The following TCF20 variants were observed in gnomAD, a reference collection of about 807,000 sequenced individuals.
TCF20 encodes SPRE-binding protein.
Under a neutral mutation model 148.6 loss-of-function variants are expected in TCF20, and 3 were observed. The observed-to-expected ratio is 0.02, with a 90% CI of 0.01 to 0.05. The LOEUF (loss-of-function observed/expected upper bound fraction) is 0.05, where lower values mean the gene tolerates loss of function less well. TCF20 is among the 10% of genes least tolerant of loss of function. TCF20 has a pLI of 1.00. For missense variants in TCF20, 2,350 were observed against 2,429.3 expected, an observed-to-expected ratio of 0.97 and a Z score of 0.69; for synonymous variants, 1,049 against 909.5, an observed-to-expected ratio of 1.15 and a Z score of -2.76.
At chr22:42,175,488 G>A (rs369154086) in intron 3 of TCF20, among the ~76,000 whole-genome samples, 19 of 152,166 alleles carry the variant, frequency 1.2e-4, no homozygotes, top group South Asian at 1.0e-3. Context: ...CTACAGGCAC[G>A]CGCCACCACA....
At chr22:42,198,136 C>A (rs1056784165) in intron 2 of TCF20, among the ~76,000 whole-genome samples, 1 of 152,118 alleles carries the variant, frequency 6.6e-6, no homozygotes, top group African/African-American at 2.4e-5. Context: ...ATTATACTCA[C>A]GCTAAACTAA....
intron 1 of TCF20, among the ~76,000 whole-genome samples, chr22:42,260,418 G>A (rs1464983053): frequency 6.6e-6 from 1 of 152,150 alleles, no homozygotes; most frequent in African/African-American, 2.4e-5. Flanking sequence ...TAGCTGATAA[G>A]TGGAAAAAAT....
chr22:42,286,078 C>A (rs1397017248), upstream of TCF20, among the ~76,000 whole-genome samples: 1 of 152,200 alleles, frequency 6.6e-6, no homozygotes, highest in African/African-American at 2.4e-5. Context: ...AGACAAGCCA[C>A]TGACCCCTCT....
chr22:42,333,029 G>C (rs972496062), intron 1 of TCF20, among the ~76,000 whole-genome samples: 6 of 152,232 alleles, frequency 3.9e-5, no homozygotes, highest in African/African-American at 1.4e-4. Context: ...CACTTAAGAA[G>C]TGTGCACTTT....
At position 42,337,625 on chromosome 22, in the gene TCF20, G is replaced by A. The variant is rs114251736; in HGVS notation, c.-37+5854C>T. 4.9e-3 allele frequency among the ~76,000 whole-genome samples: 740 copies of A among 152,310 alleles called. 8 individuals are homozygous for A. The highest frequency in any genetic ancestry group is 0.024 in the Middle Eastern group (7 of 292). On this transcript the variant is annotated intron_variant, in intron 1 of 1. Coordinates refer to the TCF20 transcript ENST00000515426. Reference sequence around the variant, plus strand: ...TAAAATCCTGCCTGATCCTTCTCCTGCATCAGTCAGGACATTACTGGTTGC... The same window carrying A: ...TAAAATCCTGCCTGATCCTTCTCCTACATCAGTCAGGACATTACTGGTTGC...
At chr22:42,262,286 G>C (rs1451409167) in intron 1 of TCF20, among the ~76,000 whole-genome samples, 1 of 152,214 alleles carries the variant, frequency 6.6e-6, no homozygotes, top group Non-Finnish European at 1.5e-5. Flanking sequence ...AAGAGGTAAA[G>C]AGGGTAGTGG....
intron 1 of TCF20, among the ~76,000 whole-genome samples, chr22:42,324,531 A>G (rs1927835467): frequency 2.0e-5 from 3 of 152,206 alleles, no homozygotes; most frequent in South Asian, 2.1e-4. Context: ...AATCTCCACC[A>G]ACCGAGAAAA....
chr22:42,324,083 T>TA (rs2147052759), intron 1 of TCF20, among the ~76,000 whole-genome samples: 2 of 146,462 alleles, frequency 1.4e-5, no homozygotes, highest in Non-Finnish European at 1.5e-5. Context: ...GTGGTGGTGG[T>TA]GGTGGTGATG....
At chr22:42,186,792 A>AT (rs1937068075) in intron 2 of TCF20, among the ~76,000 whole-genome samples, 1 of 152,236 alleles carries the variant, frequency 6.6e-6, no homozygotes, top group Non-Finnish European at 1.5e-5. Context: ...AACTAAAACT[A>AT]TTTTTAAAGC....
intron 2 of TCF20, among the ~76,000 whole-genome samples, chr22:42,194,832 G>A (rs912616415): frequency 6.6e-6 from 1 of 151,846 alleles, no homozygotes; most frequent in African/African-American, 2.4e-5. Flanking sequence ...TGCCACATGG[G>A]GAGGGCAGGC....
chr22:42,181,464 G>T (rs1936768826), intron 2 of TCF20, among the ~76,000 whole-genome samples: 1 of 152,114 alleles, frequency 6.6e-6, no homozygotes, highest in Non-Finnish European at 1.5e-5. Context: ...GAGGCCCGAA[G>T]ATATGGCCCT....
At chr22:42,215,896 C>T (rs1228495395) in intron 1 of TCF20, among the ~76,000 whole-genome samples, 1 of 151,994 alleles carries the variant, frequency 6.6e-6, no homozygotes, top group African/African-American at 2.4e-5. Flanking sequence ...TGCATACAAA[C>T]CCAATACAGC....
chr22:42,215,125 C>T lies in TCF20; in HGVS notation c.181G>A (p.Gly61Arg). ...ATCGCTGCCGCAGCAGCTGCTGCTCCTCGTCGTCCACCACCACTGCCACTG... is the reference window on the plus strand; with the variant it reads ...ATCGCTGCCGCAGCAGCTGCTGCTCTTCGTCGTCCACCACCACTGCCACTG... ...SGSGSGGGRR[G>R]AAAAAAAMAS... Residue 61 changes from glycine (G) to arginine (R), a missense_variant, in exon 2 of 6, where the codon GGA becomes AGA. Gly to Arg is a moderately radical substitution (Grantham distance 125). Coordinates refer to ENST00000677622, the MANE Select transcript of TCF20 (RefSeq NM_001378418.1). 1 of 1,614,112 alleles carries T rather than the reference C, an allele frequency of 6.2e-7. No homozygotes were observed. The highest frequency in any genetic ancestry group is 1.3e-5 in the African/African-American group (1 of 75,050).
At chr22:42,195,653 C>T (rs1683353735) in intron 2 of TCF20, among the ~76,000 whole-genome samples, 1 of 152,082 alleles carries the variant, frequency 6.6e-6, no homozygotes, top group Non-Finnish European at 1.5e-5. Context: ...GTGCCCACCA[C>T]CATGCCCAGC....
At chr22:42,282,747 GCCT>G (rs1926930064) in intron 1 of TCF20, among the ~76,000 whole-genome samples, 1 of 152,184 alleles carries the variant, frequency 6.6e-6, no homozygotes, top group Non-Finnish European at 1.5e-5. Context: ...AGCTGCCCAG[GCCT>G]CCTCCGGGGT....
At chr22:42,162,495 A>C (rs1313018949) in intron 5 of TCF20, among the ~76,000 whole-genome samples, 2 of 152,160 alleles carry the variant, frequency 1.3e-5, no homozygotes, top group Admixed American at 1.3e-4. Context: ...GGACAGATGG[A>C]TTGTACCAAA....
chr22:42,221,788 G>T (rs972196326), intron 1 of TCF20, among the ~76,000 whole-genome samples: 22 of 123,550 alleles, frequency 1.8e-4, no homozygotes, highest in African/African-American at 7.0e-4. Flanking sequence ...GCCCAGGCTG[G>T]AGTGCAGTGG....
At chr22:42,237,688 C>T (rs532886534) in intron 1 of TCF20, among the ~76,000 whole-genome samples, 1 of 152,286 alleles carries the variant, frequency 6.6e-6, no homozygotes, top group Admixed American at 6.5e-5. Flanking sequence ...ATTCCTTGAT[C>T]CAGGGGCTGC....
intron 1 of TCF20, among the ~76,000 whole-genome samples, chr22:42,256,043 A>C (rs1241720882): frequency 2.0e-5 from 3 of 151,382 alleles, no homozygotes; most frequent in Admixed American, 2.0e-4. Flanking sequence ...CTCTTTCTCC[A>C]CTCTTCCACT....
Sources: gnomAD v4.1 joint callset for allele counts (sites outside exome capture counted in the v4.1 genomes callset) on GRCh38, gnomAD v4.1.1 for gene constraint, MANE v1.5 for transcripts, NCBI Gene and HGNC (gene_info 2026-07-23, HGNC 2026-07-21) for gene names.